DLG2: variants seen among roughly 807,000 people sequenced by gnomAD.
DLG2 encodes discs large MAGUK scaffold protein 2.
Under a neutral mutation model 132.5 loss-of-function variants are expected in DLG2, and 45 were observed. That is an observed-to-expected ratio of 0.34 (90% CI 0.27 to 0.44). The LOEUF is 0.44. Among genes scored for constraint, DLG2 ranks in the 20% least tolerant of loss-of-function variants. The probability of loss-of-function intolerance (pLI) is 1.00; values close to 1 mark genes in which losing one functional copy is unlikely to be tolerated. For synonymous variants in DLG2, 424 were observed against 419.6 expected, an observed-to-expected ratio of 1.01 and a Z score of -0.13; for missense variants, 1,045 against 1,196.9, an observed-to-expected ratio of 0.87 and a Z score of 1.87.
At chr11:84,502,188 C>T (rs1214348868) in intron 7 of DLG2, among the ~76,000 whole-genome samples, 1 of 11,536 alleles carries the variant, frequency 8.7e-5, no homozygotes, top group African/African-American at 5.6e-4. Flanking sequence ...CTCTCTCTTT[C>T]TCTCTCTCTC....
At chr11:85,563,362 G>A (rs1386718549) in intron 3 of DLG2, among the ~76,000 whole-genome samples, 1 of 151,212 alleles carries the variant, frequency 6.6e-6, no homozygotes, top group African/African-American at 2.4e-5. Context: ...AATATTTATA[G>A]CTTTTTCATA....
At chr11:84,943,881 T>C (rs745324951) in intron 6 of DLG2, among the ~76,000 whole-genome samples, 8 of 152,230 alleles carry the variant, frequency 5.3e-5, no homozygotes, top group Non-Finnish European at 8.8e-5. Flanking sequence ...AATGTCCTTT[T>C]CTTTCAGGCT....
intron 7 of DLG2, among the ~76,000 whole-genome samples, chr11:84,418,107 T>A (rs1291975887): frequency 6.6e-6 from 1 of 152,176 alleles, no homozygotes; most frequent in Admixed American, 6.5e-5. Context: ...GCGTAGTGAT[T>A]GGTTCATATT....
At position 85,138,737 on chromosome 11, in the gene DLG2, C is replaced by T. The variant is rs558040217; in HGVS notation, c.282+15819G>A. Among the ~76,000 whole-genome samples, 3 of 150,616 alleles carry T rather than the reference C, an allele frequency of 2.0e-5. No individual in the cohort carries two copies. In the South Asian group the frequency reaches 6.3e-4, roughly 32 times the overall value. On this transcript the variant is annotated intron_variant, in intron 5 of 27. Coordinates refer to ENST00000376104, the MANE Select transcript of DLG2 (RefSeq NM_001142699.3). Reference sequence around the variant, plus strand: ...GGGATTTATGCTTTTGCTTCTTCCTCATTTTCTCATACTGTCACCATGTAA... The same window carrying T: ...GGGATTTATGCTTTTGCTTCTTCCTTATTTTCTCATACTGTCACCATGTAA...
chr11:84,520,644 T>C (rs1483020018), intron 7 of DLG2, among the ~76,000 whole-genome samples: 5 of 152,118 alleles, frequency 3.3e-5, no homozygotes, highest in Non-Finnish European at 5.9e-5. Context: ...GTGTTTCTCT[T>C]ACTTTTCCAT....
At chr11:84,587,228 T>C (rs1206326506) in intron 6 of DLG2, among the ~76,000 whole-genome samples, 3 of 152,214 alleles carry the variant, frequency 2.0e-5, no homozygotes, top group African/African-American at 4.8e-5. Flanking sequence ...AAATTTATTT[T>C]CTTTGGCTTA....
chr11:83,875,959 C>A (rs2064688065), intron 15 of DLG2, among the ~76,000 whole-genome samples: 1 of 152,172 alleles, frequency 6.6e-6, no homozygotes, highest in Non-Finnish European at 1.5e-5. Flanking sequence ...TGTGCCTCTT[C>A]AAGTTAAAGA....
intron 7 of DLG2, among the ~76,000 whole-genome samples, chr11:84,285,145 T>G (rs2097896514): frequency 6.6e-6 from 1 of 152,214 alleles, no homozygotes; most frequent in Non-Finnish European, 1.5e-5. Flanking sequence ...TGCTTGCTGG[T>G]CATCTCTGCT....
chr11:85,424,702 G>T (rs561003815), intron 3 of DLG2, among the ~76,000 whole-genome samples: 28 of 152,296 alleles, frequency 1.8e-4, no homozygotes, highest in African/African-American at 5.3e-4. Context: ...ATGGCCCAAA[G>T]TTGGTGAGGT....
At chr11:84,755,232 C>T (rs1164317854) in intron 6 of DLG2, among the ~76,000 whole-genome samples, 2 of 152,060 alleles carry the variant, frequency 1.3e-5, no homozygotes. Context: ...AAATATTAAC[C>T]CAAGTACGTT....
chr11:84,019,175 A>G lies in DLG2; in HGVS notation c.920-38533T>C, dbSNP rs2095311896. Among the ~76,000 whole-genome samples, 5 of 152,222 alleles carry G rather than the reference A, an allele frequency of 3.3e-5. No homozygotes were observed. The South Asian group carries it at 1.0e-3, about 32-fold the overall frequency. On this transcript the variant is annotated intron_variant, in intron 11 of 27. Transcript: ENST00000376104. Reference sequence around the variant, plus strand: ...GTTTTATTGAATAACAAAATGGTAAAAAAAATGCATACACAATATGCCGTT... The same window carrying G: ...GTTTTATTGAATAACAAAATGGTAAGAAAAATGCATACACAATATGCCGTT...
chr11:84,029,032 A>T (rs2095619072), intron 11 of DLG2, among the ~76,000 whole-genome samples: 1 of 152,166 alleles, frequency 6.6e-6, no homozygotes, highest in Non-Finnish European at 1.5e-5. Context: ...AATTACTGTT[A>T]TAAAGTAAGT....
intron 9 of DLG2, among the ~76,000 whole-genome samples, chr11:84,102,906 T>G (rs2154183978): frequency 6.6e-6 from 1 of 152,282 alleles, no homozygotes; most frequent in African/African-American, 2.4e-5. Context: ...TGGAGAAAAC[T>G]GTGGCTCTGG....
At chr11:84,200,462 T>C (rs1389113670) in intron 8 of DLG2, among the ~76,000 whole-genome samples, 3 of 152,172 alleles carry the variant, frequency 2.0e-5, no homozygotes, top group African/African-American at 4.8e-5. Context: ...AGTTTCACTA[T>C]GTAAATATCC....
chr11:84,777,324 T>TACATAC (rs1555216561), intron 6 of DLG2, among the ~76,000 whole-genome samples: 1 of 105,952 alleles, frequency 9.4e-6, no homozygotes, highest in Non-Finnish European at 1.9e-5. Context: ...TATATATATA[T>TACATAC]ACGTTTTCTT....
intron 3 of DLG2, among the ~76,000 whole-genome samples, chr11:85,340,148 C>T (rs1403604626): frequency 6.6e-6 from 1 of 152,076 alleles, no homozygotes; most frequent in Non-Finnish European, 1.5e-5. Flanking sequence ...GGTATATACC[C>T]AAAGGATTAT....
At chr11:85,182,141 T>C (rs2079749685) in intron 4 of DLG2, among the ~76,000 whole-genome samples, 1 of 151,990 alleles carries the variant, frequency 6.6e-6, no homozygotes, top group African/African-American at 2.4e-5. Context: ...GTGTAGGACC[T>C]ATTTATTCCA....
In DLG2 at chr11:85,502,977, G is replaced by A. The variant is rs187988924; in HGVS notation, c.40+95680C>T. On this transcript the variant is annotated intron_variant, in intron 3 of 27. Transcript: ENST00000376104. ...TTACAGCATAATCCTGCAATAGAAT[G>A]ATATATACCAATAAAAAATGAACAA... 1.7e-3 allele frequency among the ~76,000 whole-genome samples: 259 copies of A among 152,044 alleles called. 1 individual carries two copies. The highest frequency in any genetic ancestry group is 6.0e-3 in the African/African-American group (250 of 41,496).
chr11:85,217,360 GCA>G (rs1195204562), intron 4 of DLG2, among the ~76,000 whole-genome samples: 11 of 131,078 alleles, frequency 8.4e-5, no homozygotes, highest in African/African-American at 2.5e-4. Flanking sequence ...TTTCAATCAT[GCA>G]CACAGAGTCA....
Sources: gnomAD v4.1 joint callset for allele counts (sites outside exome capture counted in the v4.1 genomes callset) on GRCh38, gnomAD v4.1.1 for gene constraint, MANE v1.5 for transcripts, NCBI Gene and HGNC (gene_info 2026-07-23, HGNC 2026-07-21) for gene names.